The following SLC25A21 variants were observed in gnomAD, a reference collection of about 807,000 sequenced individuals.
SLC25A21 encodes solute carrier family 25 member 21.
A neutral mutation model predicts 43.8 loss-of-function variants in SLC25A21; 47 were observed. The ratio of observed to expected loss-of-function variants is 1.07; its 90% CI spans 0.85 to 1.37. The LOEUF is 1.37. Among genes scored for constraint, SLC25A21 ranks in the 40% most tolerant of loss-of-function variants. SLC25A21 has a pLI of 0.00. For synonymous variants in SLC25A21, 131 were observed against 121.3 expected, an observed-to-expected ratio of 1.08 and a Z score of -0.52; for missense variants, 352 against 350.2, an observed-to-expected ratio of 1.00 and a Z score of -0.04.
chr14:36,786,938 A>G (rs1456217525), intron 3 of SLC25A21, among the ~76,000 whole-genome samples: 1 of 152,158 alleles, frequency 6.6e-6, no homozygotes. Context: ...CCTCTCTGGC[A>G]ATTATGAGCC....
At chr14:36,735,066 C>G (rs1367372786) in intron 3 of SLC25A21, among the ~76,000 whole-genome samples, 2 of 152,178 alleles carry the variant, frequency 1.3e-5, no homozygotes, top group Non-Finnish European at 2.9e-5. Context: ...GGTACTAGAG[C>G]TTCCAGCCCC....
chr14:36,742,196 T>G (rs1885296437), intron 3 of SLC25A21, among the ~76,000 whole-genome samples: 1 of 152,192 alleles, frequency 6.6e-6, no homozygotes, highest in Non-Finnish European at 1.5e-5. Context: ...TTTCACAAAA[T>G]TTTTCCTTTA....
intron 2 of SLC25A21, among the ~76,000 whole-genome samples, chr14:36,849,547 G>A (rs760847466): frequency 6.6e-6 from 1 of 152,122 alleles, no homozygotes; most frequent in South Asian, 2.1e-4. Context: ...GGAAAAGAAA[G>A]AACTTATTTC....
intron 3 of SLC25A21, among the ~76,000 whole-genome samples, chr14:36,807,364 G>A (rs890391419): frequency 1.1e-4 from 17 of 152,170 alleles, no homozygotes; most frequent in Non-Finnish European, 2.2e-4. Flanking sequence ...AGAGTTGAGA[G>A]GGGAGAGAAA....
rs931746922 is a variant in SLC25A21, at chr14:36,947,312, C to A, written c.71-72308G>T. Among the ~76,000 whole-genome samples, 7 of 152,262 alleles carry A rather than the reference C, an allele frequency of 4.6e-5. 1 individual carries two copies. In the South Asian group the frequency reaches 1.4e-3, roughly 32 times the overall value. On this transcript the variant is annotated intron_variant, in intron 1 of 9. Coordinates refer to ENST00000331299, the MANE Select transcript of SLC25A21 (RefSeq NM_030631.4). Reference sequence around the variant, plus strand: ...ATTTATTTTACTTTCTGAAAGAAAACCAGAGAAGGTTCATAATTTAAACCA... The same window carrying A: ...ATTTATTTTACTTTCTGAAAGAAAAACAGAGAAGGTTCATAATTTAAACCA...
intron 3 of SLC25A21, among the ~76,000 whole-genome samples, chr14:36,737,327 A>C (rs1885082559): frequency 6.6e-6 from 1 of 152,198 alleles, no homozygotes; most frequent in Non-Finnish European, 1.5e-5. Flanking sequence ...AGCTGGGAGA[A>C]GCATAAGGAT....
chr14:36,999,886 C>A (rs539841528), intron 1 of SLC25A21, among the ~76,000 whole-genome samples: 16 of 152,212 alleles, frequency 1.1e-4, no homozygotes, highest in African/African-American at 3.9e-4. Context: ...TCTTCTTACC[C>A]TTGAATGAAA....
At chr14:37,134,881 C>A (rs903824876) in intron 1 of SLC25A21, among the ~76,000 whole-genome samples, 8 of 151,542 alleles carry the variant, frequency 5.3e-5, no homozygotes, top group African/African-American at 1.5e-4. Flanking sequence ...TCACTTGAGT[C>A]CAGGAGTTCA....
intron 1 of SLC25A21, among the ~76,000 whole-genome samples, chr14:36,884,656 T>A (rs1890861982): frequency 6.6e-6 from 1 of 152,180 alleles, no homozygotes; most frequent in African/African-American, 2.4e-5. Flanking sequence ...TTCATCTTTT[T>A]AGTAACAGTG....
At chr14:36,693,458 C>T (rs1312887563) in intron 7 of SLC25A21, among the ~76,000 whole-genome samples, 2 of 151,990 alleles carry the variant, frequency 1.3e-5, no homozygotes, top group East Asian at 3.8e-4. Context: ...TCATCATGGG[C>T]TTTAGCACTA....
chr14:36,772,201 G>C (rs926584408), intron 3 of SLC25A21, among the ~76,000 whole-genome samples: 1 of 152,154 alleles, frequency 6.6e-6, no homozygotes, highest in African/African-American at 2.4e-5. Context: ...CTTGTAGCCT[G>C]GCACTCAGCA....
intron 1 of SLC25A21, among the ~76,000 whole-genome samples, chr14:36,936,610 G>A (rs1377250832): frequency 6.6e-6 from 1 of 152,144 alleles, no homozygotes; most frequent in Non-Finnish European, 1.5e-5. Context: ...CCCTTCCACA[G>A]TTCTGTTCAA....
chr14:37,079,841 C>T (rs78978267), intron 1 of SLC25A21, among the ~76,000 whole-genome samples: 1 of 152,186 alleles, frequency 6.6e-6, no homozygotes, highest in Non-Finnish European at 1.5e-5. Flanking sequence ...CCGCCAAATT[C>T]ACAGGCTGAA....
At chr14:36,798,301 T>C (rs1258270355) in intron 3 of SLC25A21, among the ~76,000 whole-genome samples, 1 of 152,192 alleles carries the variant, frequency 6.6e-6, no homozygotes, top group Non-Finnish European at 1.5e-5. Context: ...TTTATTTCTG[T>C]CTGGAAAGTC....
chr14:36,816,966 A>AC (rs1888479092), intron 2 of SLC25A21, among the ~76,000 whole-genome samples: 1 of 148,748 alleles, frequency 6.7e-6, no homozygotes, highest in East Asian at 2.0e-4. Flanking sequence ...CTCTTCTCTA[A>AC]CTGTTCTTTA....
intron 6 of SLC25A21, among the ~76,000 whole-genome samples, chr14:36,721,436 C>G (rs993033961): frequency 6.6e-6 from 1 of 152,146 alleles, no homozygotes; most frequent in African/African-American, 2.4e-5. Flanking sequence ...TACACAGATG[C>G]CTTGCTGTAA....
At chr14:37,151,534 C>T (rs557065219) in intron 1 of SLC25A21, among the ~76,000 whole-genome samples, 1 of 152,288 alleles carries the variant, frequency 6.6e-6, no homozygotes, top group East Asian at 1.9e-4. Flanking sequence ...CAAGAAAAAG[C>T]TGTGGTATTT....
intron 1 of SLC25A21, among the ~76,000 whole-genome samples, chr14:37,044,283 T>C (rs1428507194): frequency 6.6e-6 from 1 of 152,174 alleles, no homozygotes. Context: ...GGCTTTCCTT[T>C]TTTAATAGCC....
At chr14:36,733,663 A>T (rs1445127017) in intron 4 of SLC25A21, among the ~76,000 whole-genome samples, 2 of 152,182 alleles carry the variant, frequency 1.3e-5, no homozygotes, top group South Asian at 2.1e-4. Flanking sequence ...TGAGTAATGT[A>T]TGTGAAAAAA....
Sources: allele counts gnomAD v4.1 joint callset (sites outside exome capture counted in the v4.1 genomes callset), GRCh38; gene constraint gnomAD v4.1.1; transcripts MANE v1.5; gene names NCBI Gene and HGNC (gene_info 2026-07-23, HGNC 2026-07-21).